Variants in LDB2 observed in about 807,000 individuals in gnomAD.
The protein encoded by LDB2 is LIM domain-binding protein 2.
A neutral mutation model predicts 44.3 loss-of-function variants in LDB2; 12 were observed. The ratio of observed to expected loss-of-function variants is 0.27; its 90% CI spans 0.17 to 0.44. The LOEUF is 0.44. LDB2 is among the 20% of genes least tolerant of loss of function. The pLI is 1.00. For missense variants in LDB2, 344 were observed against 473.5 expected (o/e 0.73, Z 2.54); for synonymous variants, 164 against 174.8 (o/e 0.94, Z 0.49).
At chr4:16,624,041 G>A (rs1290083950) in intron 2 of LDB2, among the ~76,000 whole-genome samples, 1 of 151,984 alleles carries the variant, frequency 6.6e-6, no homozygotes, top group African/African-American at 2.4e-5. Flanking sequence ...GCTTCACAAA[G>A]GTACCAGTAC....
intron 2 of LDB2, among the ~76,000 whole-genome samples, chr4:16,691,643 G>A (rs1750792884): frequency 6.6e-6 from 1 of 152,198 alleles, no homozygotes; most frequent in Non-Finnish European, 1.5e-5. Flanking sequence ...CAACACATGT[G>A]AGATCAATCT....
chr4:16,725,702 C>T (rs966683451), intron 2 of LDB2, among the ~76,000 whole-genome samples: 3 of 152,044 alleles, frequency 2.0e-5, no homozygotes, highest in Non-Finnish European at 4.4e-5. Context: ...CTCTCAGGGA[C>T]ACACCTGAAG....
chr4:16,881,223 A>G (rs1432073179), intron 1 of LDB2, among the ~76,000 whole-genome samples: 2 of 152,208 alleles, frequency 1.3e-5, no homozygotes, highest in Non-Finnish European at 2.9e-5. Context: ...TCAGCTCTGA[A>G]CTTGGGAACA....
At chr4:16,505,996 GAGAAGC>G (rs1719256736) in intron 7 of LDB2, 1 of 1,550,282 alleles carries the variant, frequency 6.5e-7, no homozygotes. Flanking sequence ...CTCATGGAGT[GAGAAGC>G]AGAATCCAAG....
At chr4:16,634,279 A>G (rs919481144) in intron 2 of LDB2, among the ~76,000 whole-genome samples, 2 of 137,682 alleles carry the variant, frequency 1.5e-5, no homozygotes, top group African/African-American at 5.7e-5. Context: ...TAATTAAACT[A>G]AAGTCTTTTG....
chr4:16,659,687 A>ATATATATATATATATATATATATATATT (rs1740979648), intron 2 of LDB2, among the ~76,000 whole-genome samples: 1 of 149,076 alleles, frequency 6.7e-6, no homozygotes, highest in African/African-American at 2.5e-5. Flanking sequence ...ATATATATAT[A>ATATATATATATATATATATATATATATT]TATATGTATG....
At chr4:16,655,525 A>G (rs1251888127) in intron 2 of LDB2, among the ~76,000 whole-genome samples, 2 of 152,222 alleles carry the variant, frequency 1.3e-5, no homozygotes, top group Non-Finnish European at 2.9e-5. Context: ...CGTCCGTTAC[A>G]CAAATTTTAA....
At chr4:16,631,654 T>G (rs1490778289) in intron 2 of LDB2, among the ~76,000 whole-genome samples, 3 of 152,208 alleles carry the variant, frequency 2.0e-5, no homozygotes, top group Non-Finnish European at 1.5e-5. Context: ...AGGAGCCGGT[T>G]TTTTGAAAAG....
At chr4:16,648,125 C>T (rs1238484469) in intron 2 of LDB2, among the ~76,000 whole-genome samples, 4 of 152,152 alleles carry the variant, frequency 2.6e-5, no homozygotes, top group Admixed American at 2.6e-4. Context: ...GTAAATAAAG[C>T]AGCTGATTTC....
intron 1 of LDB2, among the ~76,000 whole-genome samples, chr4:16,784,706 A>C (rs970737965): frequency 2.6e-5 from 4 of 152,178 alleles, no homozygotes; most frequent in African/African-American, 9.7e-5. Context: ...TCAGCATTCC[A>C]TTCAGGCCTT....
intron 2 of LDB2, among the ~76,000 whole-genome samples, chr4:16,629,038 A>G (rs1462997535): frequency 2.0e-5 from 3 of 152,166 alleles, no homozygotes; most frequent in African/African-American, 7.2e-5. Context: ...GGGATGCTGA[A>G]GCTTGGTTGG....
chr4:16,507,253 A>G (rs1719845161), intron 7 of LDB2: 1 of 152,134 alleles, frequency 6.6e-6, no homozygotes. Flanking sequence ...CATTCTCCCC[A>G]TGACCCCTTC....
At chr4:16,638,509 T>C (rs1734229965) in intron 2 of LDB2, among the ~76,000 whole-genome samples, 1 of 152,212 alleles carries the variant, frequency 6.6e-6, no homozygotes, top group Non-Finnish European at 1.5e-5. Flanking sequence ...GAGGAATGAA[T>C]ATCTCAAGCA....
intron 5 of LDB2, among the ~76,000 whole-genome samples, chr4:16,585,415 C>A (rs1439206879): frequency 6.6e-6 from 1 of 152,156 alleles, no homozygotes; most frequent in Admixed American, 6.5e-5. Context: ...GAGGAAGAAT[C>A]TCCTTCTTTT....
rs1443644623 is a variant in LDB2, at chr4:16,739,697, CATATATGTGT to C, written c.235+19451_235+19460del. Among the ~76,000 whole-genome samples, 70 of 72,158 alleles carry C rather than the reference CATATATGTGT, an allele frequency of 9.7e-4. 6 individuals are homozygous for C. Among genetic ancestry groups the C allele is most frequent in the African/African-American group, 4.4e-3 (64 of 14,564 alleles). 47.3% of individuals were successfully genotyped at this position (72,158 alleles called of 152,430 possible). On this transcript the variant is annotated intron_variant, in intron 2 of 7. Coordinates refer to ENST00000304523, the MANE Select transcript of LDB2 (RefSeq NM_001290.5). ...ATATGTGTGTATATATGTATATATACATATATGTGTATATATGTATATATACATATATGTG... is the reference window on the plus strand; with the variant it reads ...ATATGTGTGTATATATGTATATATACATATATGTATATATACATATATGTG...
At chr4:16,693,347 CTTTTTTTTTT>C (rs71181181) in intron 2 of LDB2, among the ~76,000 whole-genome samples, 1 of 112,124 alleles carries the variant, frequency 8.9e-6, no homozygotes. Flanking sequence ...AGCAATAGTT[CTTTTTTTTTT>C]TTTTTTTTTT....
At chr4:16,799,091 G>C (rs945973473) in intron 1 of LDB2, among the ~76,000 whole-genome samples, 2 of 152,168 alleles carry the variant, frequency 1.3e-5, no homozygotes, top group Admixed American at 6.5e-5. Context: ...CTGACCTCGT[G>C]ATCCGCCCTC....
chr4:16,660,028 A>C (rs1453888280), intron 2 of LDB2, among the ~76,000 whole-genome samples: 4 of 152,138 alleles, frequency 2.6e-5, no homozygotes, highest in Non-Finnish European at 4.4e-5. Flanking sequence ...TACAGTTAGC[A>C]ATGTCTGGAG....
At chr4:16,816,053 C>T (rs1780823970) in intron 1 of LDB2, among the ~76,000 whole-genome samples, 1 of 152,030 alleles carries the variant, frequency 6.6e-6, no homozygotes. Flanking sequence ...ATTAAAAATA[C>T]AAAAATTAGC....
Sources: gnomAD v4.1 joint callset for allele counts (sites outside exome capture counted in the v4.1 genomes callset) on GRCh38, gnomAD v4.1.1 for gene constraint, MANE v1.5 for transcripts, NCBI Gene and HGNC (gene_info 2026-07-23, HGNC 2026-07-21) for gene names.